MGMT: variants seen among roughly 807,000 people sequenced by gnomAD.
The protein encoded by MGMT is methylated-DNA--protein-cysteine methyltransferase.
Under a neutral mutation model 15.9 loss-of-function variants are expected in MGMT, and 14 were observed. The ratio of observed to expected loss-of-function variants is 0.88; its 90% CI spans 0.58 to 1.37. The LOEUF is 1.37. Among genes scored for constraint, MGMT ranks in the 40% most tolerant of loss-of-function variants. The probability of loss-of-function intolerance (pLI) is 0.00; values close to 1 mark genes in which losing one functional copy is unlikely to be tolerated. For missense variants in MGMT, 282 were observed against 268.1 expected (o/e 1.05, Z -0.36); for synonymous variants, 130 against 118.2 (o/e 1.10, Z -0.65).
intron 1 of MGMT, among the ~76,000 whole-genome samples, chr10:129,512,724 ATATAAG>A (rs1363643937): frequency 3.9e-5 from 6 of 152,220 alleles, no homozygotes; most frequent in East Asian, 1.9e-4. Flanking sequence ...AGTGCCTTGA[ATATAAG>A]TATATTTGAT....
chr10:129,661,575 G>A (rs1354902577), intron 2 of MGMT, among the ~76,000 whole-genome samples: 2 of 151,336 alleles, frequency 1.3e-5, no homozygotes, highest in Non-Finnish European at 2.9e-5. Flanking sequence ...TGCTTTTTTC[G>A]ATTGTTTCTT....
intron 1 of MGMT, among the ~76,000 whole-genome samples, chr10:129,499,666 A>G (rs2119673741): frequency 6.6e-6 from 1 of 152,338 alleles, no homozygotes; most frequent in Non-Finnish European, 1.5e-5. Flanking sequence ...TGAACCTAAA[A>G]CCCTTTAAAA....
At chr10:129,720,307 G>T (rs189844695) in intron 3 of MGMT, among the ~76,000 whole-genome samples, 36 of 152,212 alleles carry the variant, frequency 2.4e-4, no homozygotes, top group Admixed American at 2.4e-3. Flanking sequence ...CGTTCAAAGC[G>T]TGTGCCCATG....
At chr10:129,742,401 G>A (rs767521918) in intron 3 of MGMT, among the ~76,000 whole-genome samples, 9 of 152,216 alleles carry the variant, frequency 5.9e-5, no homozygotes, top group Non-Finnish European at 1.0e-4. Context: ...GACCCGGGGC[G>A]TTCAGCAGTG....
At chr10:129,510,421 G>A (rs61859848) in intron 1 of MGMT, among the ~76,000 whole-genome samples, 13,083 of 152,164 alleles carry the variant, frequency 0.086, 721 homozygotes, top group East Asian at 0.28. Context: ...CTTGAGGAAG[G>A]GTTTTGGTGG....
At chr10:129,655,492 C>A (rs1302805568) in intron 2 of MGMT, among the ~76,000 whole-genome samples, 1 of 152,216 alleles carries the variant, frequency 6.6e-6, no homozygotes, top group Non-Finnish European at 1.5e-5. Flanking sequence ...GCAGGAAAAT[C>A]TTCCCCGTTG....
intron 2 of MGMT, among the ~76,000 whole-genome samples, chr10:129,645,646 C>T (rs904847478): frequency 4.6e-5 from 7 of 152,176 alleles, no homozygotes; most frequent in Admixed American, 1.3e-4. Context: ...TTGTGCGTGT[C>T]GGTGGTTTTC....
At chr10:129,604,737 A>ACCCGCCCCCCCCCCCCCCCCCCCCCCCC (rs1466589243) in intron 2 of MGMT, among the ~76,000 whole-genome samples, 1 of 38,766 alleles carries the variant, frequency 2.6e-5, no homozygotes, top group Non-Finnish European at 5.4e-5. Flanking sequence ...TCGCCGCCCC[A>ACCCGCCCCCCCCCCCCCCCCCCCCCCCC]CCCCCTCCCC....
intron 2 of MGMT, among the ~76,000 whole-genome samples, chr10:129,590,266 A>G (rs1451438994): frequency 6.6e-6 from 1 of 152,256 alleles, no homozygotes; most frequent in Non-Finnish European, 1.5e-5. Context: ...ATATAAAAAT[A>G]TAGTTCACTT....
At chr10:129,538,581 C>A (rs1421261996) in intron 2 of MGMT, among the ~76,000 whole-genome samples, 1 of 151,878 alleles carries the variant, frequency 6.6e-6, no homozygotes, top group Non-Finnish European at 1.5e-5. Flanking sequence ...CTGATGAAGT[C>A]TTGGCCATTC....
intron 1 of MGMT, among the ~76,000 whole-genome samples, chr10:129,468,954 G>C (rs1845201252): frequency 1.3e-5 from 2 of 152,176 alleles, no homozygotes; most frequent in African/African-American, 4.8e-5. Context: ...CTTTAAAAAG[G>C]CTTTGCTGTT....
In MGMT at chr10:129,595,686, G is replaced by T. The variant is rs986085536; in HGVS notation, c.125+59309G>T. On this transcript the variant is annotated intron_variant, in intron 2 of 4. Transcript: ENST00000651593. The stretch of plus-strand genomic sequence containing the variant: ...TCTGTGTCCCTCCTTGTGAGTAGGA[G>T]TCACTGTTTCAGATGCTCAGCTTTC... 1.2e-4 allele frequency among the ~76,000 whole-genome samples: 18 copies of T among 152,134 alleles called. 1 individual carries two copies. The highest frequency in any genetic ancestry group is 6.2e-4 in the South Asian group (3 of 4,820).
chr10:129,659,246 A>G lies in MGMT; in HGVS notation c.126-48649A>G, dbSNP rs151169486. 0.031 allele frequency among the ~76,000 whole-genome samples: 4,657 copies of G among 151,918 alleles called. 135 individuals carry two copies. The highest frequency in any genetic ancestry group is 0.077 in the African/African-American group (3,168 of 41,372). ...GTGGTGCACACCCGTAGTCTCAGCT[A>G]CTCGGGAGGCTGAGGCAGGAGAATT... On this transcript the variant is annotated intron_variant, in intron 2 of 4. Transcript: ENST00000651593. The surrounding 1 kb of genome is among the most constrained non-coding windows in gnomAD (Gnocchi z 4.1).
chr10:129,574,132 T>C (rs569013330), intron 2 of MGMT, among the ~76,000 whole-genome samples: 21 of 152,346 alleles, frequency 1.4e-4, no homozygotes, highest in African/African-American at 4.6e-4. Context: ...GCAGTTACTG[T>C]CTCCCTTTGG....
At chr10:129,689,005 T>C (rs984975645) in intron 2 of MGMT, among the ~76,000 whole-genome samples, 1 of 152,136 alleles carries the variant, frequency 6.6e-6, no homozygotes, top group East Asian at 1.9e-4. Flanking sequence ...TCACCCAGGC[T>C]GGATGGAGTA....
At chr10:129,733,965 T>A (rs1848531841) in intron 3 of MGMT, among the ~76,000 whole-genome samples, 1 of 151,230 alleles carries the variant, frequency 6.6e-6, no homozygotes, top group Middle Eastern at 3.5e-3. Flanking sequence ...TACTGTAGCC[T>A]TGTAGTATAG....
intron 2 of MGMT, among the ~76,000 whole-genome samples, chr10:129,691,349 A>G (rs566571772): frequency 6.6e-6 from 1 of 152,364 alleles, no homozygotes; most frequent in South Asian, 2.1e-4. Flanking sequence ...GGAAGCAAGA[A>G]GAGGAGCTGG....
At chr10:129,731,191 C>A (rs189317040) in intron 3 of MGMT, among the ~76,000 whole-genome samples, 3 of 147,122 alleles carry the variant, frequency 2.0e-5, no homozygotes, top group African/African-American at 7.6e-5. Flanking sequence ...CTATGTGTGA[C>A]ACAGAGCCCT....
At chr10:129,467,336 G>A in intron 1 of MGMT, 40 bp downstream of exon 1, 1 of 1,515,856 alleles carries the variant, frequency 6.6e-7, no homozygotes, top group South Asian at 1.2e-5. Flanking sequence ...AGAGTGCGGA[G>A]CTCTCCCTCG....
Sources: gnomAD v4.1 joint callset for allele counts (sites outside exome capture counted in the v4.1 genomes callset) on GRCh38, gnomAD v4.1.1 for gene constraint, Gnocchi (gnomAD v3.1) non-coding constraint, MANE v1.5 for transcripts, NCBI Gene and HGNC (gene_info 2026-07-23, HGNC 2026-07-21) for gene names.